CBR4: variants seen among roughly 807,000 people sequenced by gnomAD.
The protein encoded by CBR4 is 3-oxoacyl-[acyl-carrier-protein] reductase.
Under a neutral mutation model 21.0 loss-of-function variants are expected in CBR4, and 22 were observed. That is an observed-to-expected ratio of 1.05 (90% CI 0.75 to 1.50). CBR4 has a LOEUF of 1.50. Ranked by LOEUF, CBR4 falls within the 40% of genes most tolerant of loss-of-function variation. CBR4 has a pLI of 0.00. For missense variants in CBR4, 302 were observed against 286.3 expected (o/e 1.05, Z -0.40); for synonymous variants, 100 against 104.4 (o/e 0.96, Z 0.26).
At chr4:168,930,190 T>A (rs1762932138) in intron 2 of CBR4, among the ~76,000 whole-genome samples, 1 of 152,212 alleles carries the variant, frequency 6.6e-6, no homozygotes, top group Admixed American at 6.5e-5. Flanking sequence ...TTTAATACTT[T>A]GATAATTACT....
At chr4:168,975,950 C>T (rs554361918) in intron 2 of CBR4, among the ~76,000 whole-genome samples, 5 of 152,312 alleles carry the variant, frequency 3.3e-5, no homozygotes, top group African/African-American at 1.2e-4. Context: ...CCTCCCTAAC[C>T]GCACTGGAGT....
intron 2 of CBR4, among the ~76,000 whole-genome samples, chr4:168,906,649 A>G (rs529523876): frequency 2.6e-5 from 4 of 152,132 alleles, no homozygotes; most frequent in Non-Finnish European, 5.9e-5. Flanking sequence ...TTTAGAGACA[A>G]GGTCTTCCTC....
At position 168,903,843 on chromosome 4, in the gene CBR4, C is replaced by G; in HGVS notation, n.170-9078G>C. ...GAGATCTCGATGGGACCTGCTCCCT[C>G]CATACCACAGCCTCCACCCTAGATG... On this transcript the variant is annotated intron_variant and non_coding_transcript_variant, in intron 2 of 3. Transcript: ENST00000509108. 2.5e-6 allele frequency: 4 copies of G among 1,613,492 alleles called. No homozygotes were observed. Among genetic ancestry groups the G allele is most frequent in the Non-Finnish European group, 3.4e-6 (4 of 1,179,462 alleles).
At chr4:168,991,945 A>G (rs1182299095) in intron 4 of CBR4, among the ~76,000 whole-genome samples, 2 of 152,242 alleles carry the variant, frequency 1.3e-5, no homozygotes, top group Non-Finnish European at 2.9e-5. Flanking sequence ...AGCTCAAACT[A>G]TAGATAAACC....
At chr4:168,924,860 TAATGATCTAATTAAA>T (rs1762270093) in intron 2 of CBR4, 1 of 1,350,530 alleles carries the variant, frequency 7.4e-7, no homozygotes, top group African/African-American at 1.4e-5. Flanking sequence ...ATTCTGTTTC[TAATGATCTAATTAAA>T]AATGATGCTT....
chr4:169,009,777 G>A lies in CBR4; in HGVS notation c.142+171C>T, dbSNP rs182345773. Among the ~76,000 whole-genome samples the A allele has an allele frequency of 6.9e-3, 1,052 of 152,346 alleles. 15 individuals carry two copies. The highest frequency in any genetic ancestry group is 0.024 in the African/African-American group (989 of 41,584). On this transcript the variant is annotated intron_variant, in intron 1 of 4. Transcript: ENST00000306193. ...ATTCTGCGAGGCATAGGGAGATCGC[G>A]GGTTTCTGCACGAGACGCATTCTAC...
At chr4:168,924,260 G>A in intron 2 of CBR4, 1 of 1,613,718 alleles carries the variant, frequency 6.2e-7, no homozygotes, top group Non-Finnish European at 8.5e-7. Flanking sequence ...CTTAGCTAAA[G>A]AAGCACACAA....
intron 2 of CBR4, among the ~76,000 whole-genome samples, chr4:168,935,555 G>A (rs937143202): frequency 3.3e-5 from 5 of 152,126 alleles, no homozygotes; most frequent in African/African-American, 1.2e-4. Flanking sequence ...AGTCGACCTG[G>A]GACACCCCAG....
chr4:168,998,137 A>T (rs886589510), intron 4 of CBR4, among the ~76,000 whole-genome samples: 1 of 152,224 alleles, frequency 6.6e-6, no homozygotes. Context: ...TAAAGTACTG[A>T]AACACTTAAG....
intron 2 of CBR4, chr4:168,898,270 C>G: frequency 1.7e-6 from 1 of 575,334 alleles, no homozygotes; most frequent in Non-Finnish European, 3.1e-6. Context: ...TTTCCTACCC[C>G]CCTCTTTTTG....
At chr4:168,913,680 GTA>G (rs1472191503) in intron 2 of CBR4, among the ~76,000 whole-genome samples, 1 of 151,744 alleles carries the variant, frequency 6.6e-6, no homozygotes, top group African/African-American at 2.4e-5. Context: ...AGATAAAACA[GTA>G]AAGCTTATTT....
downstream of CBR4, among the ~76,000 whole-genome samples, chr4:168,987,204 C>T (rs1166385648): frequency 1.3e-5 from 2 of 152,214 alleles, no homozygotes; most frequent in Non-Finnish European, 2.9e-5. Context: ...AGTCGATTCA[C>T]TTTGCAAATT....
chr4:168,909,558 T>C (rs1405704966), intron 2 of CBR4, among the ~76,000 whole-genome samples: 2 of 152,176 alleles, frequency 1.3e-5, no homozygotes, highest in Admixed American at 1.3e-4. Context: ...TTGTGTTTTG[T>C]TTTAGCATTA....
chr4:168,972,324 A>C (rs1001728631), intron 2 of CBR4, among the ~76,000 whole-genome samples: 11 of 152,112 alleles, frequency 7.2e-5, no homozygotes, highest in African/African-American at 2.4e-4. Flanking sequence ...AAGAATGGTG[A>C]TGATATTATG....
At chr4:168,945,974 G>C (rs960478474) in intron 2 of CBR4, among the ~76,000 whole-genome samples, 1 of 152,102 alleles carries the variant, frequency 6.6e-6, no homozygotes, top group Non-Finnish European at 1.5e-5. Flanking sequence ...TTCCATGACA[G>C]AATTCCTAAA....
intron 2 of CBR4, among the ~76,000 whole-genome samples, chr4:168,980,610 C>T (rs1764519628): frequency 6.6e-6 from 1 of 152,110 alleles, no homozygotes; most frequent in South Asian, 2.1e-4. Flanking sequence ...GTGGCACATG[C>T]CTGTAATCCC....
At chr4:168,977,880 A>G (rs1764419555) in intron 2 of CBR4, among the ~76,000 whole-genome samples, 1 of 151,658 alleles carries the variant, frequency 6.6e-6, no homozygotes, top group South Asian at 2.1e-4. Flanking sequence ...ACTTGTCTCC[A>G]TTTCTATTCT....
At chr4:168,913,775 G>A (rs986747972) in intron 2 of CBR4, 51 of 646,348 alleles carry the variant, frequency 7.9e-5, no homozygotes, top group Non-Finnish European at 1.2e-4. Context: ...CACAGGGAAA[G>A]TGTTTTTCTG....
intron 2 of CBR4, among the ~76,000 whole-genome samples, chr4:168,936,417 C>T (rs1356738732): frequency 6.6e-6 from 1 of 152,142 alleles, no homozygotes; most frequent in Non-Finnish European, 1.5e-5. Flanking sequence ...GGGAACAAAA[C>T]TGGACAGAGA....
Sources: allele counts gnomAD v4.1 joint callset (sites outside exome capture counted in the v4.1 genomes callset), GRCh38; gene constraint gnomAD v4.1.1; transcripts MANE v1.5; gene names NCBI Gene and HGNC (gene_info 2026-07-23, HGNC 2026-07-21).